Variants in ACSL6 observed in about 807,000 individuals in gnomAD.
ACSL6 encodes the protein long-chain-fatty-acid--CoA ligase 6.
ACSL6 carries 47 observed loss-of-function variants against 98.2 expected under a neutral mutation model. The ratio of observed to expected loss-of-function variants is 0.48; its 90% CI spans 0.38 to 0.61. The LOEUF (loss-of-function observed/expected upper bound fraction) is 0.61. ACSL6 is among the 20% of genes least tolerant of loss of function. The pLI, the probability that ACSL6 is intolerant of heterozygous loss-of-function variation, is 0.00. For synonymous variants in ACSL6, 362 were observed against 336.9 expected (o/e 1.07, Z -0.82); for missense variants, 761 against 913.4 (o/e 0.83, Z 2.15).
intron 7 of ACSL6, among the ~76,000 whole-genome samples, chr5:131,987,332 G>A (rs1387410575): frequency 6.6e-6 from 1 of 152,240 alleles, no homozygotes; most frequent in Non-Finnish European, 1.5e-5. Context: ...TGCAGCAGCT[G>A]GGTGGACTAG....
rs533607138 is a variant in ACSL6, at chr5:131,996,743, A to G, written c.50-2492T>C. On this transcript the variant is annotated intron_variant, in intron 1 of 20. Coordinates refer to ENST00000651883, the MANE Select transcript of ACSL6 (RefSeq NM_001009185.3). ...AAGTCATCCATCTGTCTTTCAACGC[A>G]TCTGGCAGACCCTCACACAGTCCCT... Among the ~76,000 whole-genome samples the G allele has an allele frequency of 3.6e-4, 55 of 152,318 alleles. 1 individual carries two copies. Among genetic ancestry groups the G allele is most frequent in the Admixed American group, 3.3e-3 (50 of 15,304 alleles).
At chr5:131,986,407 G>A (rs563566994) in intron 8 of ACSL6, among the ~76,000 whole-genome samples, 6 of 152,342 alleles carry the variant, frequency 3.9e-5, no homozygotes, top group South Asian at 2.1e-4. Flanking sequence ...TGGGGATGAC[G>A]CACAGAACAG....
At chr5:131,965,410 T>C (rs1752964600) in intron 17 of ACSL6, among the ~76,000 whole-genome samples, 1 of 152,242 alleles carries the variant, frequency 6.6e-6, no homozygotes, top group Admixed American at 6.5e-5. Context: ...CTTTCTTTTA[T>C]TAAAACATTT....
In ACSL6 at chr5:132,011,424, A is replaced by G. The variant is rs1755722025; in HGVS notation, c.49+81T>C. The G allele has an allele frequency of 1.2e-5, 17 of 1,455,208 alleles. No individual in the cohort carries two copies. The highest frequency in any genetic ancestry group is 6.8e-5 in the Admixed American group (4 of 58,954). The allele number at this position is 1,455,208 out of a possible 1,614,324, so 90.1% of individuals were successfully genotyped here. On this transcript the variant is annotated intron_variant, in intron 1 of 20. Transcript: ENST00000651883. The surrounding 1 kb of genome is among the most constrained non-coding windows in gnomAD (Gnocchi z 5.4). ...GGATGGGGGCTCGGCGGCCGCGGAG[A>G]TGTAACACCTCCACCTCGGGCGAAG...
upstream of ACSL6, chr5:132,011,828 T>A: frequency 6.7e-7 from 1 of 1,492,000 alleles, no homozygotes; most frequent in Admixed American, 2.2e-5. The surrounding 1 kb of genome is among the most constrained non-coding windows in gnomAD (Gnocchi z 5.4). Flanking sequence ...GACCGCGGTG[T>A]CGGAACCGCC....
chr5:131,964,259 A>G (rs1752891841), intron 17 of ACSL6, among the ~76,000 whole-genome samples: 2 of 152,260 alleles, frequency 1.3e-5, no homozygotes, highest in Admixed American at 1.3e-4. Flanking sequence ...GGAAAGGTCA[A>G]ACACAATTTT....
chr5:131,973,249 C>A lies in ACSL6; in HGVS notation c.1203+17G>T, dbSNP rs780425581. ...TGCAGCCCCTCAGCCTGGCTGAAGA[C>A]TCCCTGCAGAACTTACCTTGTCGTA... On this transcript the variant is annotated intron_variant, in intron 12 of 20. Transcript: ENST00000651883. The A allele has an allele frequency of 3.7e-6, 6 of 1,612,392 alleles. No individual in the cohort carries two copies. Among genetic ancestry groups the A allele is most frequent in the Non-Finnish European group, 5.1e-6 (6 of 1,178,986 alleles).
intron 20 of ACSL6, among the ~76,000 whole-genome samples, chr5:131,954,781 A>G (rs1467963396): frequency 6.6e-6 from 1 of 152,184 alleles, no homozygotes; most frequent in Admixed American, 6.5e-5. Context: ...GTCAGGGAAG[A>G]CTTCCCAAAT....
Position 131,994,202 on chromosome 5 carries a change from C to T in ACSL6, c.99G>A (p.Arg33=). 1.2e-6 allele frequency: 2 copies of T among 1,614,088 alleles called. No homozygotes were observed. Among genetic ancestry groups the T allele is most frequent in the Non-Finnish European group, 1.7e-6 (2 of 1,179,994 alleles). The change falls in exon 2 of 21, where the codon AGG becomes AGA. Residue 33 remains arginine (R), a synonymous_variant. Coordinates refer to ENST00000651883, the MANE Select transcript of ACSL6 (RefSeq NM_001009185.3). ...CACCTAGCTCAGGCAGTCGCAGTAT[C>T]CTCAGGATCTCCTGTGTCTGCATCT... ...LEKMQTQEIL[R]ILRLPELGDL... is the part of the protein sequence containing the mutation.
In ACSL6 at chr5:131,966,402, C is replaced by T; in HGVS notation, c.1713+14G>A. ...GCCAAATGTTTGGAGCTCCGTGGTT[C>T]CAAACATACACACCGGCAGCCATTT... On this transcript the variant is annotated intron_variant, in intron 17 of 20. Transcript: ENST00000651883. The T allele has an allele frequency of 6.2e-7, 1 of 1,613,726 alleles. No individual in the cohort carries two copies. The highest frequency in any genetic ancestry group is 8.5e-7 in the Non-Finnish European group (1 of 1,179,828).
chr5:131,954,121 A>G lies in ACSL6; in HGVS notation c.*113T>C. ...TCTTGGGACAGGAAAAGGCTCAGTC[A>G]TAAAATCAGATGCTTATTCATTTTC... On this transcript the variant is annotated 3_prime_UTR_variant, in exon 21 of 21. Transcript: ENST00000651883. The G allele has an allele frequency of 8.5e-7, 1 of 1,172,652 alleles. No individual in the cohort carries two copies. Among genetic ancestry groups the G allele is most frequent in the Non-Finnish European group, 1.1e-6 (1 of 884,148 alleles). The allele number at this position is 1,172,652 out of a possible 1,614,324, so 72.6% of individuals were successfully genotyped here.
intron 10 of ACSL6, chr5:131,976,338 T>C: frequency 1.6e-6 from 1 of 640,360 alleles, no homozygotes; most frequent in Non-Finnish European, 1.9e-6. Flanking sequence ...CATGGGTATA[T>C]CAATTTTTGA....
chr5:132,011,443 G>A lies in ACSL6; in HGVS notation c.49+62C>T, dbSNP rs1755722998. On this transcript the variant is annotated intron_variant, in intron 1 of 20. Coordinates refer to ENST00000651883, the MANE Select transcript of ACSL6 (RefSeq NM_001009185.3). This position sits in a 1 kb window ranked among gnomAD's most constrained non-coding sequence, Gnocchi z 5.4. ...GCGGAGATGTAACACCTCCACCTCGGGCGAAGACCTCATAGCCTGCGGGAG... is the reference window on the plus strand; with the variant it reads ...GCGGAGATGTAACACCTCCACCTCGAGCGAAGACCTCATAGCCTGCGGGAG... 2 of 1,561,880 alleles carry A rather than the reference G, an allele frequency of 1.3e-6. No homozygotes were observed. The highest frequency in any genetic ancestry group is 1.4e-5 in the African/African-American group (1 of 73,630).
At position 131,989,466 on chromosome 5, in the gene ACSL6, G is replaced by T. The variant is rs747540898; in HGVS notation, c.493C>A (p.His165Asn). 6.2e-7 allele frequency: 1 copy of T among 1,613,910 alleles called. No individual in the cohort carries two copies. The highest frequency in any genetic ancestry group is 1.7e-5 in the Admixed American group (1 of 59,990). ...AEFLGSGLLQ[H>N]NCKACTDQFI... ...TGATCAGTGCATGCTTTACAATTGT[G>T]CTGGAGAAGTCCGGACCCCAGAAAT... is the stretch of plus-strand genomic sequence containing the variant. Residue 165 changes from histidine to asparagine, a missense_variant, in exon 5 of 21, where the codon CAC (histidine) becomes AAC (asparagine). By Grantham distance (68) the His-to-Asn change is moderately conservative (BLOSUM62 1). Coordinates refer to ENST00000651883, the MANE Select transcript of ACSL6 (RefSeq NM_001009185.3).
chr5:131,989,209 G>T (rs1047370799), intron 5 of ACSL6, among the ~76,000 whole-genome samples, 198 bp downstream of exon 5: 1 of 152,106 alleles, frequency 6.6e-6, no homozygotes, highest in Non-Finnish European at 1.5e-5. Context: ...GCTGGGTGGG[G>T]TGTGGATGGA....
Position 131,990,168 on chromosome 5 carries a change from T to C in ACSL6, c.386-4A>G, listed in dbSNP as rs746390555. On this transcript the variant is annotated splice_region_variant and splice_polypyrimidine_tract_variant and intron_variant, in intron 3 of 20. Transcript: ENST00000651883. ...AAACCAAGACAGGGCCCATTCCCTG[T>C]AGAGAGATAAGAAAGCCTTGTGTCA... The C allele has an allele frequency of 8.1e-6, 13 of 1,613,744 alleles. No homozygotes were observed. In the South Asian group the frequency reaches 1.2e-4, roughly 15 times the overall value.
chr5:132,005,648 C>T (rs1258510282), intron 1 of ACSL6, among the ~76,000 whole-genome samples: 1 of 152,276 alleles, frequency 6.6e-6, no homozygotes, highest in Non-Finnish European at 1.5e-5. Context: ...CTAGAATGGT[C>T]TGCAGCAAAG....
intron 8 of ACSL6, 75 bp from the exon 9 acceptor site, chr5:131,985,533 C>T: frequency 1.3e-6 from 2 of 1,514,116 alleles, no homozygotes. Flanking sequence ...CTGGGCTCCC[C>T]AACCAGCCAG....
intron 1 of ACSL6, among the ~76,000 whole-genome samples, chr5:131,997,495 A>AGAGCCC: frequency 6.6e-6 from 1 of 152,218 alleles, no homozygotes. Flanking sequence ...GCTGCCTGGA[A>AGAGCCC]GAGCCCAGGC....
Sources: allele counts gnomAD v4.1 joint callset (sites outside exome capture counted in the v4.1 genomes callset), GRCh38; gene constraint gnomAD v4.1.1; non-coding constraint Gnocchi (gnomAD v3.1); transcripts MANE v1.5; gene names NCBI Gene and HGNC (gene_info 2026-07-23, HGNC 2026-07-21).